The following AVPR1B variants were observed in gnomAD, a reference collection of about 807,000 sequenced individuals.
The protein encoded by AVPR1B is vasopressin V1b receptor.
In AVPR1B, 25 loss-of-function variants were observed where a neutral mutation model predicts 27.5. The observed-to-expected ratio is 0.91, with a 90% CI of 0.66 to 1.27. The LOEUF is 1.27. Ranked by LOEUF, AVPR1B falls within the 50% of genes most tolerant of loss-of-function variation. The pLI, the probability that AVPR1B is intolerant of heterozygous loss-of-function variation, is 0.00. For synonymous variants in AVPR1B, 248 were observed against 240.2 expected (o/e 1.03, Z -0.30); for missense variants, 595 against 556.9 (o/e 1.07, Z -0.69).
Position 206,116,097 on chromosome 1 carries a change from C to A in AVPR1B, c.794G>T (p.Arg265Leu), listed in dbSNP as rs140798523. The change falls in exon 1 of 2, where the codon CGG becomes CTG. Residue 265 changes from arginine (R) to leucine (L), a missense_variant. Coordinates refer to ENST00000367126, the MANE Select transcript of AVPR1B (RefSeq NM_000707.5). ...TGAGATGGTGTTGATGCTGCTGACC[C>A]GAGATGGCAGCCCCCGAGTGGTGGC... ...LAATTRGLPS[R>L]VSSINTISRA... The A allele has an allele frequency of 6.2e-5, 100 of 1,614,106 alleles. No individual in the cohort carries two copies. Among genetic ancestry groups the A allele is most frequent in the Non-Finnish European group, 8.1e-5 (96 of 1,180,050 alleles).
Position 206,110,330 on chromosome 1 carries a change from C to A in AVPR1B, c.1134G>T (p.Thr378=), listed in dbSNP as rs782145142. Residue 378 remains threonine, a synonymous_variant, in exon 2 of 2, where the codon ACG becomes ACT. Transcript: ENST00000367126. ...CCGGGCAGCTGGAGCGGGTCAGCAG[C>A]GTGGTGTGGCGGCTCGAGAGGCTGC... The part of the protein sequence containing the change: ...SDGSLSSRHT[T]LLTRSSCPAT... 49 of 1,612,672 alleles carry A rather than the reference C, an allele frequency of 3.0e-5. No individual in the cohort carries two copies. Among genetic ancestry groups the A allele is most frequent in the Admixed American group, 1.2e-4 (7 of 59,874 alleles).
At position 206,106,953 on chromosome 1, in the gene AVPR1B, C is replaced by G. The variant is rs956031504; in HGVS notation, c.*3236G>C. ...CGCAGGAATTTCCTGGATATTAAAT[C>G]TTTTTATTGGTGAATTTCAACCTGG... On this transcript the variant is annotated 3_prime_UTR_variant, in exon 2 of 2. Coordinates refer to ENST00000367126, the MANE Select transcript of AVPR1B (RefSeq NM_000707.5). 6.6e-6 allele frequency among the ~76,000 whole-genome samples: 1 copy of G among 152,234 alleles called. No individual in the cohort carries two copies. Among genetic ancestry groups the G allele is most frequent in the African/African-American group, 2.4e-5 (1 of 41,454 alleles).
chr1:206,115,834 A>T, intron 1 of AVPR1B, 117 bp downstream of exon 1: 1 of 1,003,430 alleles, frequency 1.0e-6, no homozygotes, highest in East Asian at 2.6e-5. Context: ...ATCTTCCTTC[A>T]TTGCCCCACT....
chr1:206,116,343 A>G lies in AVPR1B; in HGVS notation c.548T>C (p.Val183Ala), dbSNP rs1253030864. The G allele has an allele frequency of 1.5e-5, 25 of 1,613,362 alleles. No homozygotes were observed. Among genetic ancestry groups the G allele is most frequent in the Non-Finnish European group, 2.0e-5 (24 of 1,180,020 alleles). Residue 183 changes from valine to alanine, a missense_variant, in exon 1 of 2, where the codon GTG becomes GCG. Transcript: ENST00000367126. ...SLREVIQGSG[V>A]LDCWADFGFP... ...GCCGAAGTCTGCCCAGCAGTCCAGC[A>G]CCCCTGAGCCCTGGATCACCTCCCG...
rs1317011219 is a variant in AVPR1B at position 206,116,129 on chromosome 1, G to A, written c.762C>T (p.Thr254=). ...WRTWDRPSPS[T]LAATTRGLPS... ...GCAGCCCCCGAGTGGTGGCAGCTAA[G>A]GTGGAAGGTGAGGGCCTGTCCCAAG... The change falls in exon 1 of 2, where the codon ACC becomes ACT. Residue 254 remains threonine (T), a synonymous_variant. Coordinates refer to ENST00000367126, the MANE Select transcript of AVPR1B (RefSeq NM_000707.5). 2 of 1,614,006 alleles carry A rather than the reference G, an allele frequency of 1.2e-6. No homozygotes were observed. The highest frequency in any genetic ancestry group is 1.7e-6 in the Non-Finnish European group (2 of 1,180,024).
In AVPR1B at chr1:206,116,816, G is replaced by A. The variant is rs368799737; in HGVS notation, c.75C>T (p.Pro25=). Residue 25 remains proline (P), a synonymous_variant, in exon 1 of 2, where the codon CCC becomes CCT. Transcript: ENST00000367126. ...CCAGCTCCTCATCCCGGCCCAGCCAGGGTGTTGTGGCATTGGGGGCAGAGA... is the reference window on the plus strand; with the variant it reads ...CCAGCTCCTCATCCCGGCCCAGCCAAGGTGTTGTGGCATTGGGGGCAGAGA... ...GTLSAPNATT[P]WLGRDEELAK... 52 of 1,613,960 alleles carry A rather than the reference G, an allele frequency of 3.2e-5. No individual in the cohort carries two copies. In the African/African-American group the frequency reaches 5.9e-4, roughly 18 times the overall value.
At chr1:206,113,370 G>A (rs1009056608) in intron 1 of AVPR1B, among the ~76,000 whole-genome samples, 5 of 152,158 alleles carry the variant, frequency 3.3e-5, no homozygotes, top group African/African-American at 4.8e-5. Flanking sequence ...CAAACAGGCC[G>A]GCATGCAGAG....
Position 206,107,750 on chromosome 1 carries a change from T to C in AVPR1B, c.*2439A>G, listed in dbSNP as rs1663302976. Among the ~76,000 whole-genome samples the C allele has an allele frequency of 6.6e-6, 1 of 152,226 alleles. No individual in the cohort carries two copies. The highest frequency in any genetic ancestry group is 1.5e-5 in the Non-Finnish European group (1 of 68,048). On this transcript the variant is annotated 3_prime_UTR_variant, in exon 2 of 2. Coordinates refer to ENST00000367126, the MANE Select transcript of AVPR1B (RefSeq NM_000707.5). ...CAGCCTTGATCCCAGGTCTGTCTCC[T>C]CTTTTCCTCTCTGAACTGTAGACTC...
At chr1:206,115,001 T>C (rs1553290290) in intron 1 of AVPR1B, among the ~76,000 whole-genome samples, 1 of 152,172 alleles carries the variant, frequency 6.6e-6, no homozygotes. Flanking sequence ...ACCAATCCAG[T>C]AAGGGGCAGC....
intron 1 of AVPR1B, among the ~76,000 whole-genome samples, chr1:206,113,435 A>G (rs1285015715): frequency 6.6e-6 from 1 of 152,214 alleles, no homozygotes; most frequent in Admixed American, 6.5e-5. Context: ...TTCTCCCCCA[A>G]GGGCTTTCAT....
chr1:206,113,514 C>T (rs1663412533), intron 1 of AVPR1B, among the ~76,000 whole-genome samples: 1 of 152,116 alleles, frequency 6.6e-6, no homozygotes, highest in African/African-American at 2.4e-5. Flanking sequence ...ATTCCTTGCC[C>T]AGAGAGGTCC....
rs138075414 is a variant in AVPR1B, at chr1:206,116,640, G to T, written c.251C>A (p.Ala84Glu). The change falls in exon 1 of 2, where the codon GCG becomes GAG. Residue 84 changes from alanine (A) to glutamate (E), a missense_variant. Coordinates refer to ENST00000367126, the MANE Select transcript of AVPR1B (RefSeq NM_000707.5). ...LHLALTDLAV[A>E]LFQVLPQLLW... ...CAGCTGTGGCAGCACCTGGAAGAGC[G>T]CCACGGCCAGGTCTGTCAGGGCTAA... 6.2e-7 allele frequency: 1 copy of T among 1,613,318 alleles called. No homozygotes were observed. Among genetic ancestry groups the T allele is most frequent in the Non-Finnish European group, 8.5e-7 (1 of 1,179,662 alleles).
At position 206,117,008 on chromosome 1, in the gene AVPR1B, C is replaced by T. The variant is rs1663493071; in HGVS notation, c.-118G>A. On this transcript the variant is annotated 5_prime_UTR_variant, in exon 1 of 2. Coordinates refer to ENST00000367126, the MANE Select transcript of AVPR1B (RefSeq NM_000707.5). ...GAGAAAGGAGAAGCGTTGAGAATGA[C>T]AGGGAGAAGGCTTGCAAATAGGCGG... 5.1e-6 allele frequency: 5 copies of T among 971,544 alleles called. No individual in the cohort carries two copies. The Admixed American group carries it at 1.1e-4, about 22-fold the overall frequency. 60.2% of individuals were successfully genotyped at this position (971,544 alleles called of 1,614,324 possible). A position where few individuals can be genotyped will look rare whatever the true frequency, so the allele number is the denominator to read the frequency against.
At position 206,116,261 on chromosome 1, in the gene AVPR1B, C is replaced by G; in HGVS notation, c.630G>C (p.Leu210=). ...LTWTTLAIFV[L]PVTMLTACYS... ...AGCAGGCCGTGAGCATGGTCACCGG[C>G]AGAACGAAGATAGCCAGGGTGGTCC... Residue 210 remains leucine, a synonymous_variant, in exon 1 of 2, where the codon CTG becomes CTC. Transcript: ENST00000367126. 6.2e-7 allele frequency: 1 copy of G among 1,613,624 alleles called. No individual in the cohort carries two copies.
chr1:206,115,424 C>A (rs1449290273), intron 1 of AVPR1B, among the ~76,000 whole-genome samples: 1 of 152,216 alleles, frequency 6.6e-6, no homozygotes, highest in Non-Finnish European at 1.5e-5. Flanking sequence ...TTCACCACAT[C>A]AGCTGGTAAC....
chr1:206,115,708 A>C (rs1348696248), intron 1 of AVPR1B, among the ~76,000 whole-genome samples: 1 of 152,234 alleles, frequency 6.6e-6, no homozygotes, highest in Non-Finnish European at 1.5e-5. Context: ...CTAGTATTTT[A>C]AAATTGTTAG....
chr1:206,115,994 A>C lies in AVPR1B; in HGVS notation c.897T>G (p.Ser299Arg). ...TGTCCCACACGGACCACATCTGGAC[A>C]CTGAAGAAGGGAGCCCAGCAAGCGA... Reference protein sequence around the residue: ...AYIACWAPFFSVQMWSVWDKN... With the variant: ...AYIACWAPFFRVQMWSVWDKN... Residue 299 changes from serine to arginine, a missense_variant, in exon 1 of 2, where the codon AGT becomes AGG. Ser to Arg is a moderately radical substitution (Grantham distance 110). Transcript: ENST00000367126. The C allele has an allele frequency of 6.2e-7, 1 of 1,613,618 alleles. No individual in the cohort carries two copies. Among genetic ancestry groups the C allele is most frequent in the Non-Finnish European group, 8.5e-7 (1 of 1,179,686 alleles).
intron 1 of AVPR1B, among the ~76,000 whole-genome samples, chr1:206,115,722 C>T (rs952941331): frequency 2.0e-5 from 3 of 152,158 alleles, no homozygotes; most frequent in African/African-American, 7.2e-5. Flanking sequence ...TTGTTAGTTA[C>T]CAAAATTTTT....
intron 1 of AVPR1B, among the ~76,000 whole-genome samples, chr1:206,115,145 C>T (rs782224709): frequency 3.9e-5 from 6 of 152,150 alleles, no homozygotes; most frequent in Non-Finnish European, 5.9e-5. Flanking sequence ...ATGAAGGTTA[C>T]GTGCAAGTGC....
Sources: allele counts gnomAD v4.1 joint callset (sites outside exome capture counted in the v4.1 genomes callset), GRCh38; gene constraint gnomAD v4.1.1; transcripts MANE v1.5; gene names NCBI Gene and HGNC (gene_info 2026-07-23, HGNC 2026-07-21).